MYO1E: variants seen among roughly 807,000 people sequenced by gnomAD.
MYO1E encodes the protein myosin IE.
A neutral mutation model predicts 151.1 loss-of-function variants in MYO1E; 68 were observed. That is an observed-to-expected ratio of 0.45 (90% confidence interval 0.37 to 0.55). The LOEUF is 0.55. Among genes scored for constraint, MYO1E ranks in the 20% least tolerant of loss-of-function variants. The pLI is 0.00. For missense variants in MYO1E, 1,363 were observed against 1,389.3 expected (o/e 0.98, Z 0.30); for synonymous variants, 601 against 501.7 (o/e 1.20, Z -2.64).
intron 1 of MYO1E, among the ~76,000 whole-genome samples, chr15:59,359,390 G>A (rs1382157880): frequency 6.6e-6 from 1 of 150,890 alleles, no homozygotes; most frequent in African/African-American, 2.4e-5. Context: ...TCAAGAGGCT[G>A]AGATGGGAGG....
At chr15:59,285,652 C>CTAG (rs2080383458) in intron 1 of MYO1E, among the ~76,000 whole-genome samples, 1 of 151,884 alleles carries the variant, frequency 6.6e-6, no homozygotes, top group Admixed American at 6.6e-5. Flanking sequence ...CCCGACTAGA[C>CTAG]ACTGTCTTTA....
At chr15:59,363,287 T>A (rs944631281) in intron 1 of MYO1E, among the ~76,000 whole-genome samples, 94 of 152,338 alleles carry the variant, frequency 6.2e-4, no homozygotes, top group African/African-American at 2.1e-3. Flanking sequence ...AGTATTACTT[T>A]CTTTTACTTT....
chr15:59,178,831 G>A (rs2079641323), intron 18 of MYO1E, among the ~76,000 whole-genome samples: 1 of 152,202 alleles, frequency 6.6e-6, no homozygotes, highest in South Asian at 2.1e-4. Context: ...AAATAGCATT[G>A]TGGAAGGCCA....
At chr15:59,226,045 A>AG (rs1328928663) in intron 7 of MYO1E, among the ~76,000 whole-genome samples, 1 of 152,046 alleles carries the variant, frequency 6.6e-6, no homozygotes, top group African/African-American at 2.4e-5. Flanking sequence ...CTCCTGGGGG[A>AG]GGGTTGGGGC....
At chr15:59,244,001 A>T (rs2080115161) in intron 4 of MYO1E, among the ~76,000 whole-genome samples, 1 of 152,086 alleles carries the variant, frequency 6.6e-6, no homozygotes, top group Non-Finnish European at 1.5e-5. Context: ...CGGACTTTAG[A>T]ATTACACTAA....
chr15:59,341,026 AAAAAAAAAG>A (rs1224436942), intron 1 of MYO1E, among the ~76,000 whole-genome samples: 33 of 149,068 alleles, frequency 2.2e-4, no homozygotes, highest in South Asian at 6.2e-4. Context: ...CAAAAAAAAA[AAAAAAAAAG>A]AAAAAAAAGA....
Position 59,340,872 on chromosome 15 carries a change from A to G in MYO1E, c.3+31626T>C, listed in dbSNP as rs143528250. On this transcript the variant is annotated intron_variant, in intron 1 of 27. Transcript: ENST00000288235. ...CCCCATCTCTACTAAAAATACAAAAATCAGCTGGGCGTGGTGGCACACACC... is the reference window on the plus strand; with the variant it reads ...CCCCATCTCTACTAAAAATACAAAAGTCAGCTGGGCGTGGTGGCACACACC... Among the ~76,000 whole-genome samples the G allele has an allele frequency of 1.0e-3, 159 of 151,780 alleles. 3 individuals carry two copies. The East Asian group carries it at 0.029, about 27-fold the overall frequency.
At chr15:59,362,090 G>T (rs149204047) in intron 1 of MYO1E, among the ~76,000 whole-genome samples, 3,071 of 152,114 alleles carry the variant, frequency 0.02, 49 homozygotes, top group African/African-American at 0.043. Context: ...ACCCGCCTCG[G>T]CCTTCCAAAG....
intron 1 of MYO1E, among the ~76,000 whole-genome samples, chr15:59,285,090 T>C (rs867248114): frequency 6.6e-6 from 1 of 152,184 alleles, no homozygotes; most frequent in Middle Eastern, 3.2e-3. Context: ...AGACATTCGG[T>C]AATACGATTC....
intron 1 of MYO1E, among the ~76,000 whole-genome samples, chr15:59,283,950 CTTTT>C (rs554320240): frequency 6.6e-6 from 1 of 152,054 alleles, no homozygotes; most frequent in Non-Finnish European, 1.5e-5. Context: ...TTGTATTATC[CTTTT>C]TTTTACAGAA....
chr15:59,148,005 A>T (rs535922852), intron 26 of MYO1E, among the ~76,000 whole-genome samples: 1 of 152,260 alleles, frequency 6.6e-6, no homozygotes, highest in Non-Finnish European at 1.5e-5. Context: ...GAGCATTAAA[A>T]TTTCCTTGCA....
chr15:59,212,608 T>C (rs1358570508), intron 12 of MYO1E: 2 of 152,174 alleles, frequency 1.3e-5, no homozygotes, highest in Non-Finnish European at 2.9e-5. Flanking sequence ...TCCAAAACAA[T>C]GGTGTCTTTC....
chr15:59,231,897 G>C, intron 5 of MYO1E, 106 bp from the exon 6 acceptor site: 1 of 1,190,442 alleles, frequency 8.4e-7, no homozygotes, highest in Non-Finnish European at 1.2e-6. Flanking sequence ...TAAGGTGAGG[G>C]GCCCCACACC....
intron 25 of MYO1E, among the ~76,000 whole-genome samples, chr15:59,154,030 A>C (rs1235445344): frequency 6.6e-6 from 1 of 152,180 alleles, no homozygotes; most frequent in African/African-American, 2.4e-5. Context: ...AATTGTATGT[A>C]TTTAACATGT....
intron 17 of MYO1E, among the ~76,000 whole-genome samples, chr15:59,194,019 A>G (rs1371321173): frequency 9.9e-5 from 15 of 152,132 alleles, no homozygotes; most frequent in Non-Finnish European, 1.9e-4. Context: ...TACTAAAAAT[A>G]TAGAAGTAGC....
chr15:59,171,102 C>A (rs1279838005), intron 22 of MYO1E: 1 of 155,870 alleles, frequency 6.4e-6, no homozygotes, highest in Non-Finnish European at 1.5e-5. Context: ...TCATGGATTG[C>A]GAGGATTTCC....
intron 1 of MYO1E, 63 bp downstream of exon 1, chr15:59,372,435 A>T: frequency 6.5e-7 from 1 of 1,534,894 alleles, no homozygotes. Flanking sequence ...TGGGTGCACC[A>T]CGCCGGGGTT....
intron 1 of MYO1E, among the ~76,000 whole-genome samples, chr15:59,300,648 T>C (rs1222099339): frequency 6.6e-6 from 1 of 152,126 alleles, no homozygotes; most frequent in Non-Finnish European, 1.5e-5. Context: ...AAACCTGTGA[T>C]CGCCTTCTAG....
chr15:59,158,233 T>C lies in MYO1E; in HGVS notation c.2878+54A>G. 7.1e-6 allele frequency: 10 copies of C among 1,401,590 alleles called. No homozygotes were observed. In the South Asian group the frequency reaches 1.1e-4, roughly 16 times the overall value. The allele number at this position is 1,401,590 out of a possible 1,614,324, so 86.8% of individuals were successfully genotyped here. A position where few individuals can be genotyped will look rare whatever the true frequency, so the allele number is the denominator to read the frequency against. ...TGGGTTTCTTCCCAAACATATTTTA[T>C]AAGTTATGGGTCCAGATTTAGTGGT... On this transcript the variant is annotated intron_variant, in intron 25 of 27. Coordinates refer to ENST00000288235, the MANE Select transcript of MYO1E (RefSeq NM_004998.4).
Sources: gnomAD v4.1 joint callset for allele counts (sites outside exome capture counted in the v4.1 genomes callset) on GRCh38, gnomAD v4.1.1 for gene constraint, MANE v1.5 for transcripts, NCBI Gene and HGNC (gene_info 2026-07-23, HGNC 2026-07-21) for gene names.